The following EFCAB6 variants were observed in gnomAD, a reference collection of about 807,000 sequenced individuals.
EFCAB6 encodes the protein EF-hand calcium-binding domain-containing protein 6.
Under a neutral mutation model 169.8 loss-of-function variants are expected in EFCAB6, and 156 were observed. That is an observed-to-expected ratio of 0.92 (90% confidence interval 0.81 to 1.05). The LOEUF (loss-of-function observed/expected upper bound fraction) is 1.05. Ranked by LOEUF, EFCAB6 falls within the 50% of genes least tolerant of loss-of-function variation. The pLI is 0.00. For synonymous variants in EFCAB6, 698 were observed against 676.4 expected, an observed-to-expected ratio of 1.03 and a Z score of -0.50; for missense variants, 1,800 against 1,829.1, an observed-to-expected ratio of 0.98 and a Z score of 0.29.
intron 10 of EFCAB6, among the ~76,000 whole-genome samples, chr22:43,694,921 T>G (rs751401593): frequency 1.3e-5 from 2 of 152,062 alleles, no homozygotes; most frequent in Non-Finnish European, 2.9e-5. Flanking sequence ...GAATGTCTAA[T>G]ATCACCATTT....
At chr22:43,600,713 G>C (rs536996738) in intron 22 of EFCAB6, among the ~76,000 whole-genome samples, 3 of 152,226 alleles carry the variant, frequency 2.0e-5, no homozygotes, top group African/African-American at 7.2e-5. Flanking sequence ...GCCCAGGCTG[G>C]AGTACAGTGG....
At chr22:43,602,913 T>C (rs562738740) in intron 22 of EFCAB6, among the ~76,000 whole-genome samples, 85 of 152,064 alleles carry the variant, frequency 5.6e-4, no homozygotes, top group Middle Eastern at 3.4e-3. Context: ...ACATGCTGCC[T>C]CCATCCAGTT....
intron 10 of EFCAB6, among the ~76,000 whole-genome samples, chr22:43,705,696 G>A (rs994710569): frequency 5.3e-5 from 8 of 151,946 alleles, no homozygotes; most frequent in Admixed American, 4.6e-4. Flanking sequence ...TAAGACAAAC[G>A]AAAGTGGAAG....
chr22:43,668,759 T>C, intron 16 of EFCAB6, 113 bp downstream of exon 16: 1 of 1,032,408 alleles, frequency 9.7e-7, no homozygotes, highest in Non-Finnish European at 1.3e-6. Flanking sequence ...GTGCCATCTT[T>C]CTTATTTATA....
At chr22:43,709,235 C>T (rs1046131247) in intron 10 of EFCAB6, among the ~76,000 whole-genome samples, 1 of 152,134 alleles carries the variant, frequency 6.6e-6, no homozygotes, top group African/African-American at 2.4e-5. Flanking sequence ...GCGCCCACCA[C>T]CATGCCCGGC....
At chr22:43,625,483 C>T (rs564132736) in intron 20 of EFCAB6, among the ~76,000 whole-genome samples, 9 of 152,288 alleles carry the variant, frequency 5.9e-5, no homozygotes, top group Admixed American at 1.3e-4. Flanking sequence ...CCGATGGGGA[C>T]GGGTGATCCC....
chr22:43,685,209 G>C (rs1479297472), intron 11 of EFCAB6, among the ~76,000 whole-genome samples: 3 of 152,178 alleles, frequency 2.0e-5, no homozygotes, highest in Non-Finnish European at 2.9e-5. Flanking sequence ...GCCGAGAGCA[G>C]ATTTGTGGAC....
intron 2 of EFCAB6, among the ~76,000 whole-genome samples, chr22:43,802,269 C>T (rs1019111056): frequency 3.9e-5 from 6 of 152,264 alleles, no homozygotes; most frequent in Non-Finnish European, 7.4e-5. Flanking sequence ...GTGGCTCACG[C>T]CTGTAATCCC....
intron 10 of EFCAB6, among the ~76,000 whole-genome samples, chr22:43,709,141 G>A (rs1432175759): frequency 6.6e-6 from 1 of 152,068 alleles, no homozygotes; most frequent in African/African-American, 2.4e-5. Flanking sequence ...GGGTGCAGTG[G>A]TGCAATCTTA....
intron 5 of EFCAB6, among the ~76,000 whole-genome samples, chr22:43,758,654 T>G (rs958275286): frequency 2.0e-5 from 3 of 152,128 alleles, no homozygotes; most frequent in Non-Finnish European, 4.4e-5. Flanking sequence ...ATTTTGCCAC[T>G]TTCTTTGCTT....
chr22:43,758,098 T>G (rs1302505819), intron 5 of EFCAB6, among the ~76,000 whole-genome samples: 1 of 146,264 alleles, frequency 6.8e-6, no homozygotes. Flanking sequence ...CACTTTCTTT[T>G]GTTTATTTTT....
At chr22:43,551,468 T>C (rs1188334541) in intron 27 of EFCAB6, among the ~76,000 whole-genome samples, 1 of 152,246 alleles carries the variant, frequency 6.6e-6, no homozygotes. Context: ...TGATGAGGAC[T>C]GTATTGGAGA....
chr22:43,789,998 C>T (rs1482815490), intron 2 of EFCAB6, among the ~76,000 whole-genome samples: 3 of 152,162 alleles, frequency 2.0e-5, no homozygotes, highest in Non-Finnish European at 2.9e-5. Flanking sequence ...CTAGATGATG[C>T]TTCTGAAGTC....
chr22:43,625,374 G>A (rs886512605), intron 20 of EFCAB6, among the ~76,000 whole-genome samples: 15 of 152,296 alleles, frequency 9.8e-5, no homozygotes, highest in Non-Finnish European at 1.0e-4. Context: ...CTAGCATAGC[G>A]CACAGCATTT....
chr22:43,750,691 T>C (rs1052861816), intron 6 of EFCAB6, among the ~76,000 whole-genome samples: 1 of 152,228 alleles, frequency 6.6e-6, no homozygotes, highest in Non-Finnish European at 1.5e-5. Flanking sequence ...TTCATGCTAA[T>C]GTAGTGTTAT....
intron 26 of EFCAB6, among the ~76,000 whole-genome samples, chr22:43,560,947 G>A (rs919743606): frequency 6.6e-5 from 10 of 152,176 alleles, no homozygotes; most frequent in Admixed American, 5.2e-4. Flanking sequence ...ACTGCGTGGC[G>A]GCGTGGGGAA....
At chr22:43,771,695 TG>T (rs1286353895) in intron 4 of EFCAB6, among the ~76,000 whole-genome samples, 2 of 152,098 alleles carry the variant, frequency 1.3e-5, no homozygotes, top group Non-Finnish European at 2.9e-5. Flanking sequence ...TTCATCCCCC[TG>T]GTGTGGCACA....
intron 26 of EFCAB6, among the ~76,000 whole-genome samples, chr22:43,566,852 C>G (rs563908380): frequency 3.3e-4 from 50 of 152,142 alleles, no homozygotes; most frequent in African/African-American, 1.2e-3. Context: ...TGGAGTGGAC[C>G]ACCTTACTAG....
intron 10 of EFCAB6, among the ~76,000 whole-genome samples, chr22:43,692,958 A>C (rs1170369484): frequency 1.3e-5 from 2 of 152,200 alleles, no homozygotes; most frequent in Non-Finnish European, 2.9e-5. Flanking sequence ...CAAAGCTGAA[A>C]GTCAAATTCA....
Sources: allele counts gnomAD v4.1 joint callset (sites outside exome capture counted in the v4.1 genomes callset), GRCh38; gene constraint gnomAD v4.1.1; transcripts MANE v1.5; gene names NCBI Gene and HGNC (gene_info 2026-07-23, HGNC 2026-07-21).